Variants in DAP observed in about 807,000 individuals in gnomAD.
DAP encodes the protein death-associated protein 1.
DAP carries 8 observed loss-of-function variants against 13.8 expected under a neutral mutation model. The observed-to-expected ratio is 0.58, with a 90% CI of 0.34 to 1.05. The LOEUF is 1.05. DAP is among the 50% of genes least tolerant of loss of function. DAP has a pLI of 0.03. For missense variants in DAP, 106 were observed against 133.2 expected (o/e 0.80, Z 1.01); for synonymous variants, 47 against 47.5 (o/e 0.99, Z 0.04).
At chr5:10,729,709 A>G (rs893886689) in intron 2 of DAP, among the ~76,000 whole-genome samples, 1 of 152,210 alleles carries the variant, frequency 6.6e-6, no homozygotes, top group Non-Finnish European at 1.5e-5. Context: ...CCTAGTTTGC[A>G]GGATCCTTAG....
chr5:10,683,269 G>A (rs1470182109), intron 3 of DAP: 2 of 551,016 alleles, frequency 3.6e-6, no homozygotes, highest in Non-Finnish European at 6.5e-6. Context: ...GGAGTTCACT[G>A]GTGGGAGGTC....
chr5:10,702,191 G>A lies in DAP; in HGVS notation c.153-18620C>T, dbSNP rs570682142. 2.6e-5 allele frequency among the ~76,000 whole-genome samples: 4 copies of A among 152,296 alleles called. 1 individual carries two copies. Among genetic ancestry groups the A allele is most frequent in the South Asian group, 4.1e-4 (2 of 4,820 alleles). ...CAGCGCCTGGCACATGGTCTGGTGC[G>A]CACACATACTCAACAAATGCTTTGA... On this transcript the variant is annotated intron_variant, in intron 2 of 3. Transcript: ENST00000230895.
At chr5:10,689,835 C>T (rs1330456507) in intron 2 of DAP, among the ~76,000 whole-genome samples, 1 of 152,144 alleles carries the variant, frequency 6.6e-6, no homozygotes, top group Non-Finnish European at 1.5e-5. Context: ...TGCCCTTGTG[C>T]ACACCCTGAG....
In DAP at chr5:10,722,760, G is replaced by A. The variant is rs188416322; in HGVS notation, c.152+25415C>T. ...TATGGGGGAAAATGACAACATCTAAGTGACAACACTTCACCCACCAATAGC... is the reference window on the plus strand; with the variant it reads ...TATGGGGGAAAATGACAACATCTAAATGACAACACTTCACCCACCAATAGC... On this transcript the variant is annotated intron_variant, in intron 2 of 3. Transcript: ENST00000230895. Among the ~76,000 whole-genome samples the A allele has an allele frequency of 3.0e-3, 461 of 152,044 alleles. 4 individuals carry two copies. The highest frequency in any genetic ancestry group is 6.8e-3 in the Middle Eastern group (2 of 294).
chr5:10,681,360 AGGG>A, intron 3 of DAP, among the ~76,000 whole-genome samples, 191 bp from the exon 4 acceptor site: 1 of 138,614 alleles, frequency 7.2e-6, no homozygotes, highest in South Asian at 2.3e-4. Flanking sequence ...GCCCCAGGCC[AGGG>A]CCCACCAGCG....
At chr5:10,743,339 C>T (rs150212451) in intron 2 of DAP, among the ~76,000 whole-genome samples, 20 of 152,304 alleles carry the variant, frequency 1.3e-4, no homozygotes, top group African/African-American at 4.6e-4. Context: ...TGGGTCCCTC[C>T]CACCTCTTGG....
intron 2 of DAP, among the ~76,000 whole-genome samples, chr5:10,739,223 A>G (rs550069036): frequency 1.1e-3 from 155 of 139,868 alleles, no homozygotes; most frequent in African/African-American, 3.8e-3. Context: ...AAAAAAAAAA[A>G]AAAGAAAGAA....
At chr5:10,730,840 G>C (rs1431565207) in intron 2 of DAP, among the ~76,000 whole-genome samples, 2 of 120,512 alleles carry the variant, frequency 1.7e-5, no homozygotes, top group African/African-American at 3.3e-5. Context: ...AGCCCTGGTG[G>C]GGGGGAAATC....
intron 2 of DAP, among the ~76,000 whole-genome samples, chr5:10,733,186 G>A (rs941720985): frequency 7.8e-6 from 1 of 128,062 alleles, no homozygotes; most frequent in African/African-American, 2.7e-5. Context: ...GTGTGTGTGT[G>A]TGTGTGTGTG....
intron 1 of DAP, among the ~76,000 whole-genome samples, chr5:10,759,947 G>A (rs955418821): frequency 6.6e-6 from 1 of 151,848 alleles, no homozygotes; most frequent in African/African-American, 2.4e-5. Flanking sequence ...TAGAGATGGG[G>A]TTTCACCATG....
At chr5:10,711,217 G>A (rs966333766) in intron 2 of DAP, among the ~76,000 whole-genome samples, 18 of 152,184 alleles carry the variant, frequency 1.2e-4, no homozygotes, top group African/African-American at 3.6e-4. Context: ...AGCAGACCTC[G>A]GGATCAGCAG....
chr5:10,728,846 G>A (rs1739359490), intron 2 of DAP, among the ~76,000 whole-genome samples: 1 of 152,134 alleles, frequency 6.6e-6, no homozygotes, highest in Non-Finnish European at 1.5e-5. Context: ...AGAGGCAGGG[G>A]GAGAGGGCCA....
chr5:10,755,876 G>A (rs777648909), intron 1 of DAP, among the ~76,000 whole-genome samples: 28 of 152,186 alleles, frequency 1.8e-4, no homozygotes, highest in African/African-American at 2.7e-4. Context: ...GGCTGGGTGC[G>A]GTGGCTCATG....
intron 1 of DAP, 97 bp from the exon 2 acceptor site, chr5:10,748,368 C>G (rs1056519727): frequency 5.5e-6 from 5 of 902,440 alleles, no homozygotes; most frequent in African/African-American, 1.6e-5. Context: ...TCAGTGGCCA[C>G]AAGTCAGTCT....
rs1369006892 is a variant in DAP, at chr5:10,680,943, G to A, written c.*113C>T. ...GGCAAAGGACAGAGCACTTGGTTTTGCCTTAGATTTCCCAGCAGAGTAGGA... is the reference window on the plus strand; with the variant it reads ...GGCAAAGGACAGAGCACTTGGTTTTACCTTAGATTTCCCAGCAGAGTAGGA... On this transcript the variant is annotated 3_prime_UTR_variant, in exon 4 of 4. Transcript: ENST00000230895. The A allele has an allele frequency of 4.5e-6, 7 of 1,540,478 alleles. No homozygotes were observed. Among genetic ancestry groups the A allele is most frequent in the Non-Finnish European group, 6.1e-6 (7 of 1,146,988 alleles).
chr5:10,682,277 G>A (rs895248590), intron 3 of DAP, among the ~76,000 whole-genome samples: 1 of 145,874 alleles, frequency 6.9e-6, no homozygotes, highest in East Asian at 2.1e-4. Flanking sequence ...GGAAGCATGG[G>A]GTTTGTATGT....
chr5:10,721,586 A>G (rs777893638), intron 2 of DAP, among the ~76,000 whole-genome samples: 10 of 152,212 alleles, frequency 6.6e-5, no homozygotes, highest in Non-Finnish European at 1.3e-4. Context: ...TAGTCTTACC[A>G]TTGCCTGTGA....
intron 2 of DAP, among the ~76,000 whole-genome samples, chr5:10,740,168 T>C (rs1739720814): frequency 6.6e-6 from 1 of 152,206 alleles, no homozygotes; most frequent in Non-Finnish European, 1.5e-5. Flanking sequence ...AGATGAATTC[T>C]TTCACTGGAC....
chr5:10,724,728 T>C (rs1739240951), intron 2 of DAP, among the ~76,000 whole-genome samples: 1 of 152,192 alleles, frequency 6.6e-6, no homozygotes, highest in Non-Finnish European at 1.5e-5. Flanking sequence ...GGGGTCAAAC[T>C]AAAGCTGCAG....
Sources: allele counts gnomAD v4.1 joint callset (sites outside exome capture counted in the v4.1 genomes callset), GRCh38; gene constraint gnomAD v4.1.1; transcripts MANE v1.5; gene names NCBI Gene and HGNC (gene_info 2026-07-23, HGNC 2026-07-21).